The following EDIL3 variants were observed in gnomAD, a reference collection of about 807,000 sequenced individuals.
EDIL3 encodes EGF like and discoidin domains 3.
EDIL3 carries 37 observed loss-of-function variants against 67.4 expected under a neutral mutation model. The ratio of observed to expected loss-of-function variants is 0.55; its 90% CI spans 0.42 to 0.72. The LOEUF (loss-of-function observed/expected upper bound fraction) is 0.72, where lower values mean the gene tolerates loss of function less well. Ranked by LOEUF, EDIL3 falls within the 30% of genes least tolerant of loss-of-function variation. The probability of loss-of-function intolerance (pLI) is 0.00; values close to 1 mark genes in which losing one functional copy is unlikely to be tolerated. For synonymous variants in EDIL3, 195 were observed against 196.3 expected (o/e 0.99, Z 0.05); for missense variants, 527 against 586.3 (o/e 0.90, Z 1.04).
chr5:84,033,233 G>C (rs1220897381), intron 9 of EDIL3, among the ~76,000 whole-genome samples: 2 of 152,088 alleles, frequency 1.3e-5, no homozygotes, highest in Admixed American at 6.5e-5. Flanking sequence ...TGCTAGTTTG[G>C]TCATTAATTT....
chr5:84,305,776 G>A (rs909410431), intron 1 of EDIL3, among the ~76,000 whole-genome samples: 5 of 152,226 alleles, frequency 3.3e-5, no homozygotes, highest in South Asian at 2.1e-4. Context: ...CTACTCGGGA[G>A]GCTGAGGCAG....
rs1358231573 is a variant in EDIL3, at chr5:84,167,387, C to T, written c.355+13006G>A. Among the ~76,000 whole-genome samples the T allele has an allele frequency of 2.0e-5, 3 of 152,040 alleles. No homozygotes were observed. In the East Asian group the frequency reaches 5.8e-4, roughly 29 times the overall value. The stretch of plus-strand genomic sequence containing the variant: ...CTCCCACACCTCTCCTCTCTCTCCC[C>T]TTCTTTTCCTCCTTCTCTCCCTGCT... On this transcript the variant is annotated intron_variant, in intron 4 of 10. Coordinates refer to ENST00000296591, the MANE Select transcript of EDIL3 (RefSeq NM_005711.5).
intron 4 of EDIL3, among the ~76,000 whole-genome samples, chr5:84,147,966 G>A (rs1355304511): frequency 1.3e-5 from 2 of 151,948 alleles, no homozygotes; most frequent in Non-Finnish European, 2.9e-5. Flanking sequence ...TGATATCTTT[G>A]AAATTTTATA....
intron 9 of EDIL3, among the ~76,000 whole-genome samples, chr5:83,982,886 T>C (rs1744994955): frequency 6.6e-6 from 1 of 152,118 alleles, no homozygotes; most frequent in African/African-American, 2.4e-5. Context: ...ATTGTTCAGG[T>C]TGGACCCTAC....
Position 83,941,254 on chromosome 5 carries a change from A to G in EDIL3, c.*2165T>C, listed in dbSNP as rs1396727072. 6.6e-6 allele frequency: 1 copy of G among 152,072 alleles called. No homozygotes were observed. Among genetic ancestry groups the G allele is most frequent in the Non-Finnish European group, 1.5e-5 (1 of 67,928 alleles). The allele number at this position is 152,072 out of a possible 1,614,324, so 9.4% of individuals were successfully genotyped here. On this transcript the variant is annotated 3_prime_UTR_variant, in exon 11 of 11. Transcript: ENST00000296591. Reference sequence around the variant, plus strand: ...GGACATGATGTATTGCGAAGAGCATATAAAGCAGAGGGAAAATGAAAAAGC... The same window carrying G: ...GGACATGATGTATTGCGAAGAGCATGTAAAGCAGAGGGAAAATGAAAAAGC...
intron 6 of EDIL3, among the ~76,000 whole-genome samples, chr5:84,096,956 C>A (rs1368691571): frequency 1.3e-5 from 2 of 152,072 alleles, no homozygotes; most frequent in African/African-American, 4.8e-5. Context: ...TTTTTGCCTG[C>A]CACCATCCAC....
chr5:84,055,620 C>G (rs145514979), intron 9 of EDIL3, among the ~76,000 whole-genome samples: 17,743 of 151,586 alleles, frequency 0.12, 1,609 homozygotes, highest in African/African-American at 0.25. Context: ...AAGAAAAAAA[C>G]AAACAACCCC....
chr5:84,216,619 A>C (rs1480792895), intron 3 of EDIL3, among the ~76,000 whole-genome samples: 2 of 152,210 alleles, frequency 1.3e-5, no homozygotes, highest in Non-Finnish European at 2.9e-5. Context: ...TCTCCTCTTT[A>C]AATTATGTAT....
chr5:84,072,894 A>G (rs1369278784), intron 6 of EDIL3, among the ~76,000 whole-genome samples: 1 of 152,170 alleles, frequency 6.6e-6, no homozygotes, highest in Non-Finnish European at 1.5e-5. Context: ...TGCTGTGGAA[A>G]GAGTAGTAAG....
intron 10 of EDIL3, among the ~76,000 whole-genome samples, chr5:83,959,695 T>C (rs1323427766): frequency 1.3e-5 from 2 of 150,832 alleles, no homozygotes; most frequent in African/African-American, 4.8e-5. Flanking sequence ...TAAGAATCAA[T>C]AGGAGATGGC....
rs568058622 is a variant in EDIL3 at position 84,279,407 on chromosome 5, T to C, written c.68-25195A>G. ...GCCATCTAGATTAGCATAAATACTG[T>C]AATCTGCATTCTACATATACATTTT... On this transcript the variant is annotated intron_variant, in intron 1 of 10. Coordinates refer to ENST00000296591, the MANE Select transcript of EDIL3 (RefSeq NM_005711.5). Among the ~76,000 whole-genome samples the C allele has an allele frequency of 4.6e-5, 7 of 152,322 alleles. No homozygotes were observed. In the South Asian group the frequency reaches 1.4e-3, roughly 32 times the overall value.
intron 4 of EDIL3, among the ~76,000 whole-genome samples, chr5:84,156,949 G>A (rs753981086): frequency 2.0e-5 from 3 of 152,060 alleles, no homozygotes; most frequent in South Asian, 2.1e-4. Context: ...CATAGACACC[G>A]AAAGAGAAAA....
intron 9 of EDIL3, among the ~76,000 whole-genome samples, chr5:83,988,623 T>C (rs372560512): frequency 6.6e-6 from 1 of 152,174 alleles, no homozygotes; most frequent in Non-Finnish European, 1.5e-5. Context: ...TTTCTTCTAC[T>C]GTAAAGTAGC....
chr5:84,131,039 T>C (rs1747957288), intron 5 of EDIL3, among the ~76,000 whole-genome samples: 2 of 152,108 alleles, frequency 1.3e-5, no homozygotes, highest in Admixed American at 1.3e-4. Flanking sequence ...GACAAGTTGT[T>C]TGCATAAATA....
chr5:83,961,779 C>T (rs1396166534), intron 10 of EDIL3, among the ~76,000 whole-genome samples: 1 of 151,228 alleles, frequency 6.6e-6, no homozygotes, highest in Non-Finnish European at 1.5e-5. Context: ...AAACACTTGT[C>T]TATAGCTCAC....
intron 1 of EDIL3, among the ~76,000 whole-genome samples, chr5:84,290,027 T>C (rs1341437679): frequency 2.0e-5 from 3 of 152,174 alleles, no homozygotes; most frequent in African/African-American, 7.2e-5. Flanking sequence ...GAGGATGCTT[T>C]AATGGGACCC....
chr5:83,947,359 G>GTTTC (rs1762421193), intron 10 of EDIL3, among the ~76,000 whole-genome samples: 1 of 84,616 alleles, frequency 1.2e-5, no homozygotes, highest in Admixed American at 1.6e-4. Flanking sequence ...GTATGTGTCT[G>GTTTC]TGTCTGTGTC....
At position 84,017,639 on chromosome 5, in the gene EDIL3, C is replaced by A. The variant is rs555833942; in HGVS notation, c.1137+42661G>T. On this transcript the variant is annotated intron_variant, in intron 9 of 10. Coordinates refer to ENST00000296591, the MANE Select transcript of EDIL3 (RefSeq NM_005711.5). The stretch of plus-strand genomic sequence containing the variant: ...ATGTATAATAACTGTGGGATCTGCA[C>A]TGATTGGACAGGAAATGTATAATGA... Among the ~76,000 whole-genome samples the A allele has an allele frequency of 2.6e-5, 4 of 152,256 alleles. No individual in the cohort carries two copies. In the East Asian group the frequency reaches 7.7e-4, roughly 29 times the overall value.
At chr5:84,320,757 A>G (rs1359613310) in intron 1 of EDIL3, among the ~76,000 whole-genome samples, 1 of 152,212 alleles carries the variant, frequency 6.6e-6, no homozygotes, top group Non-Finnish European at 1.5e-5. Flanking sequence ...AAGCCATCTT[A>G]TACTAAATAT....
Sources: gnomAD v4.1 joint callset for allele counts (sites outside exome capture counted in the v4.1 genomes callset) on GRCh38, gnomAD v4.1.1 for gene constraint, MANE v1.5 for transcripts, NCBI Gene and HGNC (gene_info 2026-07-23, HGNC 2026-07-21) for gene names.